Variants in PHKG2 observed in about 807,000 individuals in gnomAD.
PHKG2 encodes the protein phosphorylase b kinase gamma catalytic chain, liver/testis isoform.
PHKG2 carries 28 observed loss-of-function variants against 44.5 expected under a neutral mutation model. The ratio of observed to expected loss-of-function variants is 0.63; its 90% CI spans 0.47 to 0.86. PHKG2 has a LOEUF of 0.86. PHKG2 is among the 40% of genes least tolerant of loss of function. The pLI, the probability that PHKG2 is intolerant of heterozygous loss-of-function variation, is 0.00. For missense variants in PHKG2, 498 were observed against 547.5 expected, an observed-to-expected ratio of 0.91 and a Z score of 0.90; for synonymous variants, 220 against 211.2, an observed-to-expected ratio of 1.04 and a Z score of -0.36.
At chr16:30,754,758 GT>G in intron 6 of PHKG2, 1 of 418,932 alleles carries the variant, frequency 2.4e-6, no homozygotes, top group South Asian at 1.6e-5. Flanking sequence ...CTTGGCTTGG[GT>G]AATTCAGGCT....
rs773291409 is a variant in PHKG2 at position 30,757,034 on chromosome 16, C to T, written c.1158C>T (p.Gly386=). 1.9e-6 allele frequency: 3 copies of T among 1,612,720 alleles called. No homozygotes were observed. Among genetic ancestry groups the T allele is most frequent in the Non-Finnish European group, 2.5e-6 (3 of 1,180,024 alleles). The change falls in exon 10 of 10, where the codon GGC becomes GGT. Residue 386 remains glycine (G), a synonymous_variant. Transcript: ENST00000563588. ...HRPPGPFPIM[G]PEEEGDSAAI... is the part of the protein sequence containing the mutation. ...CCCCTGGGCCTTTTCCCATCATGGG[C>T]CCTGAAGAGGAGGGAGACTCTGCTG...
chr16:30,753,469 C>G lies in PHKG2; in HGVS notation c.468C>G (p.Pro156=), dbSNP rs768174256. 2.5e-6 allele frequency: 4 copies of G among 1,613,936 alleles called. No individual in the cohort carries two copies. Among genetic ancestry groups the G allele is most frequent in the Admixed American group, 1.7e-5 (1 of 59,976 alleles). Residue 156 remains proline (P), a synonymous_variant, in exon 6 of 10, where the codon CCC becomes CCG. Transcript: ENST00000563588. ...ACATTGTGCATCGAGATCTGAAGCC[C>G]GAGAATATTCTCCTAGATGACAATA... is the stretch of plus-strand genomic sequence containing the variant. ...ANNIVHRDLK[P]ENILLDDNMQ...
At chr16:30,749,085 GTGGTGC>G (rs1567259460) in intron 2 of PHKG2, among the ~76,000 whole-genome samples, 170 bp downstream of exon 2, 393 of 24,762 alleles carry the variant, frequency 0.016, 95 homozygotes, top group Non-Finnish European at 0.025. Context: ...GGTGGTGGTG[GTGGTGC>G]TGCTGCTGCT....
rs975498370 is a variant in PHKG2 at position 30,757,288 on chromosome 16, A to T, written c.*191A>T. On this transcript the variant is annotated 3_prime_UTR_variant, in exon 10 of 10. Coordinates refer to ENST00000563588, the MANE Select transcript of PHKG2 (RefSeq NM_000294.3). ...ATCAGAGCTGGGGTGGAAGGGAGCC[A>T]TTCTGAACGCCACGCCTGGCCCGGT... is the stretch of plus-strand genomic sequence containing the variant. 1.3e-6 allele frequency: 2 copies of T among 1,542,388 alleles called. No individual in the cohort carries two copies. The highest frequency in any genetic ancestry group is 1.7e-6 in the Non-Finnish European group (2 of 1,152,880).
chr16:30,755,075 A>T (rs1301266142), intron 6 of PHKG2: 1 of 367,328 alleles, frequency 2.7e-6, no homozygotes, highest in African/African-American at 2.1e-5. Context: ...GTGGTAGAAC[A>T]AACTAAAAAT....
At position 30,759,481 on chromosome 16, in the gene PHKG2, G is replaced by A. The variant is rs750326712; in HGVS notation, c.*2384G>A. On this transcript the variant is annotated 3_prime_UTR_variant, in exon 10 of 10. Coordinates refer to ENST00000563588, the MANE Select transcript of PHKG2 (RefSeq NM_000294.3). Reference sequence around the variant, plus strand: ...CCGCTGTGGTGGTGACTCGGAATTAGAACCCTGACTACCTTCCGGAGCCCT... The same window carrying A: ...CCGCTGTGGTGGTGACTCGGAATTAAAACCCTGACTACCTTCCGGAGCCCT... 1.2e-6 allele frequency: 2 copies of A among 1,614,096 alleles called. No individual in the cohort carries two copies. The highest frequency in any genetic ancestry group is 1.7e-6 in the Non-Finnish European group (2 of 1,180,052).
At chr16:30,753,082 T>G (rs1333482267) in intron 4 of PHKG2, 150 bp from the exon 5 acceptor site, 1 of 718,936 alleles carries the variant, frequency 1.4e-6, no homozygotes. Context: ...CAAACTGCCT[T>G]GTTGGAGTGC....
chr16:30,755,809 A>G (rs1163071379), intron 6 of PHKG2, among the ~76,000 whole-genome samples: 1 of 152,164 alleles, frequency 6.6e-6, no homozygotes, highest in Non-Finnish European at 1.5e-5. Flanking sequence ...ATGTATTATG[A>G]TGTATGTAAA....
intron 6 of PHKG2, among the ~76,000 whole-genome samples, chr16:30,754,580 A>G (rs1652448587): frequency 6.6e-6 from 1 of 152,178 alleles, no homozygotes; most frequent in African/African-American, 2.4e-5. Flanking sequence ...TGACTGCTCT[A>G]GGGTCCTAAT....
intron 6 of PHKG2, chr16:30,754,739 C>T: frequency 7.6e-6 from 3 of 396,866 alleles, no homozygotes; most frequent in South Asian, 3.5e-5. Context: ...CTGCCCACTG[C>T]ATCCTCTCCT....
rs1221944697 is a variant in PHKG2 at position 30,760,680 on chromosome 16, A to G, written c.*3583A>G. The G allele has an allele frequency of 3.3e-6, 5 of 1,522,168 alleles. No homozygotes were observed. Among genetic ancestry groups the G allele is most frequent in the Non-Finnish European group, 4.4e-6 (5 of 1,141,592 alleles). 94.3% of individuals were successfully genotyped at this position (1,522,168 alleles called of 1,614,324 possible). ...CGTCCAGGTACTTCCTGTTATAGTA[A>G]AAGAAAAAGAGTATTGGTGGCCGTT... On this transcript the variant is annotated 3_prime_UTR_variant, in exon 10 of 10. Transcript: ENST00000563588.
chr16:30,751,515 C>T (rs1567260974), intron 3 of PHKG2, 34 bp from the exon 4 acceptor site: 1 of 1,589,488 alleles, frequency 6.3e-7, no homozygotes, highest in Admixed American at 1.7e-5. Flanking sequence ...TCCTTTCCAT[C>T]TCTGTCTCTC....
rs368458049 is a variant in PHKG2, at chr16:30,759,132, C to A, written c.*2035C>A. The A allele has an allele frequency of 6.2e-7, 1 of 1,614,090 alleles. No individual in the cohort carries two copies. The highest frequency in any genetic ancestry group is 1.3e-5 in the African/African-American group (1 of 74,934). ...AACCAGAAGCAGGAAGAGACTGTGG[C>A]CCCAGGCCTGGCCCAGCCCAGCCCT... On this transcript the variant is annotated 3_prime_UTR_variant, in exon 10 of 10. Coordinates refer to ENST00000563588, the MANE Select transcript of PHKG2 (RefSeq NM_000294.3).
intron 2 of PHKG2, among the ~76,000 whole-genome samples, chr16:30,750,403 A>G (rs995109952): frequency 1.3e-5 from 2 of 152,188 alleles, no homozygotes; most frequent in Non-Finnish European, 2.9e-5. Flanking sequence ...GAACCAGGAT[A>G]AGAAACAGGA....
rs2151315912 is a variant in PHKG2, at chr16:30,759,735, A to G, written c.*2638A>G. ...TGCCCAAGGGGGTTGCTGGTAGGGA[A>G]AGCAAGATGCAGCAGTGAGGCCCTC... On this transcript the variant is annotated 3_prime_UTR_variant, in exon 10 of 10. Transcript: ENST00000563588. The G allele has an allele frequency of 1.2e-6, 2 of 1,602,456 alleles. No individual in the cohort carries two copies. The highest frequency in any genetic ancestry group is 2.2e-5 in the East Asian group (1 of 44,830).
intron 6 of PHKG2, among the ~76,000 whole-genome samples, chr16:30,754,455 GTGCCT>G (rs1268728510): frequency 6.6e-6 from 1 of 152,108 alleles, no homozygotes; most frequent in Non-Finnish European, 1.5e-5. Context: ...TGTGAGCACT[GTGCCT>G]TGTCGGCACC....
intron 6 of PHKG2, 78 bp from the exon 7 acceptor site, chr16:30,756,104 A>C (rs2053421534): frequency 1.3e-5 from 14 of 1,060,218 alleles, no homozygotes; most frequent in Admixed American, 6.7e-5. Flanking sequence ...AGCGTTGAGG[A>C]GGCTCCAGCA....
rs761428508 is a variant in PHKG2 at position 30,756,871 on chromosome 16, C to T, written c.995C>T (p.Thr332Ile). ...ALSTHRVRPL[T>I]KNALLRDPYA... ...AGCACCCATCGTGTACGGCCACTGACCAAGAATGCACTGTTGAGGGACCCT... is the reference window on the plus strand; with the variant it reads ...AGCACCCATCGTGTACGGCCACTGATCAAGAATGCACTGTTGAGGGACCCT... The change falls in exon 10 of 10, where the codon ACC becomes ATC. Residue 332 changes from threonine (T) to isoleucine (I), a missense_variant. Transcript: ENST00000563588. The T allele has an allele frequency of 6.2e-6, 10 of 1,614,176 alleles. No individual in the cohort carries two copies. Among genetic ancestry groups the T allele is most frequent in the Non-Finnish European group, 8.5e-6 (10 of 1,180,036 alleles).
chr16:30,751,884 G>A, intron 4 of PHKG2: 1 of 419,568 alleles, frequency 2.4e-6, no homozygotes, highest in South Asian at 2.0e-5. Context: ...ATGAGGTCAG[G>A]AGATCGAGAC....
Sources: allele counts gnomAD v4.1 joint callset (sites outside exome capture counted in the v4.1 genomes callset), GRCh38; gene constraint gnomAD v4.1.1; transcripts MANE v1.5; gene names NCBI Gene and HGNC (gene_info 2026-07-23, HGNC 2026-07-21).